CDKN2B-AS1: variants seen among roughly 807,000 people sequenced by gnomAD.
CDKN2B-AS1 encodes the protein CDKN2B antisense RNA 1 (non-protein coding).
intron 4 of CDKN2B-AS1, among the ~76,000 whole-genome samples, chr9:22,110,785 G>A (rs575242951): frequency 3.9e-5 from 6 of 151,986 alleles, no homozygotes; most frequent in South Asian, 4.2e-4. Context: ...ATCTCATCCC[G>A]CTCCTACTCT....
intron 1 of CDKN2B-AS1, among the ~76,000 whole-genome samples, chr9:22,008,246 T>C (rs1416695112): frequency 6.6e-6 from 1 of 152,212 alleles, no homozygotes; most frequent in East Asian, 1.9e-4. Context: ...TATATATTTT[T>C]TCTCTTATGC....
intron 4 of CDKN2B-AS1, chr9:22,096,522 A>AG (rs968771720): frequency 2.6e-5 from 4 of 152,192 alleles, no homozygotes; most frequent in African/African-American, 4.8e-5. Context: ...TAGGTATGAG[A>AG]GTGACTTTTC....
chr9:22,061,819 G>T (rs1203051303), intron 4 of CDKN2B-AS1: 1 of 151,972 alleles, frequency 6.6e-6, no homozygotes, highest in East Asian at 1.9e-4. Flanking sequence ...CTTTTGTTGT[G>T]AAGATTAAAT....
At chr9:22,032,537 A>G (rs1205952192) in intron 1 of CDKN2B-AS1, 1 of 152,122 alleles carries the variant, frequency 6.6e-6, no homozygotes, top group Non-Finnish European at 1.5e-5. Flanking sequence ...TGTTGGTATT[A>G]TTGAATCACT....
chr9:22,005,889 C>T lies in CDKN2B-AS1; in HGVS notation n.29+10728C>T, dbSNP rs1053325562. On this transcript the variant is annotated intron_variant and non_coding_transcript_variant, in intron 1 of 4. Coordinates refer to ENST00000650946, the Ensembl canonical transcript of CDKN2B-AS1. This position sits in a 1 kb window ranked among gnomAD's most constrained non-coding sequence, Gnocchi z 4.9. ...CAGGCTTGCAGGCTTACAGGCTTTC[C>T]GCCGCTCCCCGTTGGCAGCCTTCAT... The T allele has an allele frequency of 1.1e-5, 16 of 1,496,262 alleles. No individual in the cohort carries two copies. Among genetic ancestry groups the T allele is most frequent in the South Asian group, 3.6e-5 (3 of 83,312 alleles). 92.7% of individuals were successfully genotyped at this position (1,496,262 alleles called of 1,614,324 possible).
chr9:22,037,418 C>T (rs1308885067), intron 1 of CDKN2B-AS1, among the ~76,000 whole-genome samples: 1 of 151,774 alleles, frequency 6.6e-6, no homozygotes, highest in East Asian at 2.0e-4. Flanking sequence ...TGGCAAGACT[C>T]TACCTGGTTT....
At chr9:22,030,388 G>C (rs1296922346) in intron 1 of CDKN2B-AS1, 1 of 152,174 alleles carries the variant, frequency 6.6e-6, no homozygotes, top group African/African-American at 2.4e-5. Flanking sequence ...GGGCTAGGAA[G>C]AGATTGCTTC....
chr9:22,126,345 T>A (rs1315984962), intron 4 of CDKN2B-AS1, among the ~76,000 whole-genome samples: 1 of 152,160 alleles, frequency 6.6e-6, no homozygotes, highest in Non-Finnish European at 1.5e-5. Flanking sequence ...CTATCATAGG[T>A]GAGAAAATAA....
chr9:22,009,253 AG>A, intron 1 of CDKN2B-AS1: 1 of 546,420 alleles, frequency 1.8e-6, no homozygotes, highest in East Asian at 3.2e-5. Flanking sequence ...CTCTGGCCGC[AG>A]GGTGCGGACG....
intron 4 of CDKN2B-AS1, among the ~76,000 whole-genome samples, chr9:22,068,559 T>C (rs1316729132): frequency 1.3e-5 from 2 of 152,170 alleles, no homozygotes; most frequent in African/African-American, 4.8e-5. Context: ...GTAGTTTCTG[T>C]AGCAGAAGTG....
In CDKN2B-AS1 at chr9:22,005,202, T is replaced by C. The variant is rs948261362; in HGVS notation, n.29+10041T>C. On this transcript the variant is annotated intron_variant and non_coding_transcript_variant, in intron 1 of 4. Coordinates refer to ENST00000650946, the Ensembl canonical transcript of CDKN2B-AS1. The surrounding 1 kb of genome is among the most constrained non-coding windows in gnomAD (Gnocchi z 4.9). ...CTCACTCCACTCCACCACCTCATCC[T>C]GTGTAGTCTGCCTGCGGAACCCGCG... 1.7e-5 allele frequency: 4 copies of C among 233,770 alleles called. No individual in the cohort carries two copies. The highest frequency in any genetic ancestry group is 3.4e-5 in the Non-Finnish European group (4 of 118,570). The allele number at this position is 233,770 out of a possible 1,614,324, so 14.5% of individuals were successfully genotyped here. A position where few individuals can be genotyped will look rare whatever the true frequency, so the allele number is the denominator to read the frequency against.
chr9:22,014,175 T>C (rs1463622637), intron 1 of CDKN2B-AS1, among the ~76,000 whole-genome samples: 1 of 152,180 alleles, frequency 6.6e-6, no homozygotes, highest in Non-Finnish European at 1.5e-5. Flanking sequence ...TATTTATTTA[T>C]TATTTGAGAC....
intron 4 of CDKN2B-AS1, among the ~76,000 whole-genome samples, chr9:22,092,662 T>C (rs1326749292): frequency 6.6e-6 from 1 of 152,224 alleles, no homozygotes; most frequent in African/African-American, 2.4e-5. Flanking sequence ...GTGGGATTGG[T>C]GGTGATATCC....
In CDKN2B-AS1 at chr9:22,000,068, G is replaced by A. The variant is rs1820856522; in HGVS notation, n.29+4907G>A. ...TCTGGACTGTTTGAAAGTTTACCAT[G>A]AGCAAGAATTATTAAATAACAACCA... On this transcript the variant is annotated intron_variant and non_coding_transcript_variant, in intron 1 of 4. Transcript: ENST00000650946. This position sits in a 1 kb window ranked among gnomAD's most constrained non-coding sequence, Gnocchi z 4.1. 6.6e-6 allele frequency among the ~76,000 whole-genome samples: 1 copy of A among 152,128 alleles called. No individual in the cohort carries two copies. Among genetic ancestry groups the A allele is most frequent in the Admixed American group, 6.5e-5 (1 of 15,272 alleles).
intron 4 of CDKN2B-AS1, among the ~76,000 whole-genome samples, chr9:22,112,725 T>G (rs181203840): frequency 3.3e-5 from 5 of 152,140 alleles, no homozygotes; most frequent in African/African-American, 7.2e-5. Context: ...ATAGCAAAAT[T>G]TAATCTTATA....
chr9:22,047,468 C>G, intron 2 of CDKN2B-AS1, among the ~76,000 whole-genome samples: 1 of 152,152 alleles, frequency 6.6e-6, no homozygotes, highest in East Asian at 1.9e-4. Flanking sequence ...CTTCCAAGAA[C>G]TAATGAGCTG....
chr9:22,042,764 A>C (rs1822949399), intron 1 of CDKN2B-AS1, among the ~76,000 whole-genome samples: 1 of 152,132 alleles, frequency 6.6e-6, no homozygotes, highest in Non-Finnish European at 1.5e-5. Flanking sequence ...AACAGATATC[A>C]CTGAGTTTAC....
intron 4 of CDKN2B-AS1, chr9:22,058,401 A>G (rs1025067036): frequency 1.3e-5 from 2 of 152,232 alleles, no homozygotes; most frequent in Non-Finnish European, 1.5e-5. Context: ...AGCATGAAGG[A>G]CACACCAGGG....
chr9:22,029,489 G>T, intron 1 of CDKN2B-AS1: 1 of 779,576 alleles, frequency 1.3e-6, no homozygotes, highest in Non-Finnish European at 2.4e-6. Flanking sequence ...TGTCCATGCT[G>T]TGATGATTCC....
Sources: allele counts gnomAD v4.1 joint callset (sites outside exome capture counted in the v4.1 genomes callset), GRCh38; gene constraint gnomAD v4.1.1; non-coding constraint Gnocchi (gnomAD v3.1); transcripts MANE v1.5; gene names NCBI Gene and HGNC (gene_info 2026-07-23, HGNC 2026-07-21).